The following ROBO2 variants were observed in gnomAD, a reference collection of about 807,000 sequenced individuals.
ROBO2 encodes the protein roundabout guidance receptor 2.
A neutral mutation model predicts 160.8 loss-of-function variants in ROBO2; 53 were observed. The ratio of observed to expected loss-of-function variants is 0.33; its 90% CI spans 0.26 to 0.41. The LOEUF is 0.41. Ranked by LOEUF, ROBO2 falls within the 10% of genes least tolerant of loss-of-function variation. The pLI, the probability that ROBO2 is intolerant of heterozygous loss-of-function variation, is 1.00. For synonymous variants in ROBO2, 664 were observed against 611.7 expected, an observed-to-expected ratio of 1.09 and a Z score of -1.26; for missense variants, 1,577 against 1,722.4, an observed-to-expected ratio of 0.92 and a Z score of 1.49.
chr3:77,162,396 C>T (rs1340956019), intron 2 of ROBO2, among the ~76,000 whole-genome samples: 1 of 152,130 alleles, frequency 6.6e-6, no homozygotes, highest in Non-Finnish European at 1.5e-5. Context: ...TAGATGTCCT[C>T]CAGACAAAGA....
intron 2 of ROBO2, among the ~76,000 whole-genome samples, chr3:76,538,050 G>C (rs988273625): frequency 6.6e-6 from 1 of 151,934 alleles, no homozygotes; most frequent in Admixed American, 6.6e-5. Flanking sequence ...GTGGTTTTTC[G>C]GCTGCTCCAG....
chr3:76,346,247 G>T (rs1470814776), intron 2 of ROBO2, among the ~76,000 whole-genome samples: 1 of 151,370 alleles, frequency 6.6e-6, no homozygotes, highest in East Asian at 1.9e-4. Flanking sequence ...TCCATTAAGA[G>T]AATTTTTTTT....
intron 2 of ROBO2, among the ~76,000 whole-genome samples, chr3:76,176,939 A>G (rs2073253400): frequency 6.6e-6 from 1 of 152,260 alleles, no homozygotes; most frequent in East Asian, 1.9e-4. Flanking sequence ...TAGAATTTGA[A>G]CCGAGCTCCC....
intron 2 of ROBO2, among the ~76,000 whole-genome samples, chr3:75,980,888 A>T (rs2065256122): frequency 7.4e-6 from 1 of 135,546 alleles, no homozygotes; most frequent in Non-Finnish European, 1.6e-5. Flanking sequence ...AACATGCATT[A>T]TGAGATACAC....
intron 2 of ROBO2, among the ~76,000 whole-genome samples, chr3:77,459,189 A>C (rs957181026): frequency 8.5e-5 from 13 of 152,158 alleles, no homozygotes; most frequent in African/African-American, 2.9e-4. Flanking sequence ...GTTAGTTTTT[A>C]CCTTTGAAAA....
intron 2 of ROBO2, among the ~76,000 whole-genome samples, chr3:77,211,351 AT>A (rs1004701527): frequency 7.2e-5 from 11 of 152,176 alleles, no homozygotes; most frequent in African/African-American, 2.2e-4. Flanking sequence ...GATGATGAGC[AT>A]TTTTTCATGT....
At chr3:77,091,258 A>G (rs1182125253) in intron 1 of ROBO2, among the ~76,000 whole-genome samples, 1 of 152,218 alleles carries the variant, frequency 6.6e-6, no homozygotes, top group African/African-American at 2.4e-5. Flanking sequence ...CTCCTTTATT[A>G]TACTACGTGA....
intron 2 of ROBO2, among the ~76,000 whole-genome samples, chr3:76,263,626 CTT>C (rs1277264810): frequency 6.6e-6 from 1 of 152,092 alleles, no homozygotes; most frequent in East Asian, 1.9e-4. Flanking sequence ...GTAATGAAAA[CTT>C]TAATGAAATA....
intron 2 of ROBO2, among the ~76,000 whole-genome samples, chr3:77,431,000 TA>T (rs1322465511): frequency 1.3e-5 from 2 of 152,194 alleles, no homozygotes; most frequent in African/African-American, 4.8e-5. Flanking sequence ...TTATTGTCAT[TA>T]AATTTTATAT....
At chr3:76,662,155 C>T (rs973458947) in intron 2 of ROBO2, among the ~76,000 whole-genome samples, 2 of 152,014 alleles carry the variant, frequency 1.3e-5, no homozygotes, top group Non-Finnish European at 2.9e-5. Flanking sequence ...ACTTTGGAGG[C>T]TCTTGGCCAA....
intron 24 of ROBO2, among the ~76,000 whole-genome samples, chr3:77,644,107 G>A (rs960852334): frequency 8.5e-6 from 1 of 117,308 alleles, no homozygotes; most frequent in African/African-American, 3.4e-5. Flanking sequence ...GTTATTTGTA[G>A]AGAGACAATC....
intron 2 of ROBO2, among the ~76,000 whole-genome samples, chr3:76,797,305 A>C (rs567111099): frequency 1.3e-5 from 2 of 152,284 alleles, no homozygotes; most frequent in South Asian, 4.1e-4. Context: ...AACTACAAAT[A>C]TGTGGAAATT....
At chr3:76,452,027 C>T (rs540384993) in intron 2 of ROBO2, among the ~76,000 whole-genome samples, 9 of 152,042 alleles carry the variant, frequency 5.9e-5, no homozygotes, top group Admixed American at 3.3e-4. Context: ...TGAATTTTAA[C>T]GTATCTGAGA....
At chr3:77,104,419 C>T (rs2072500101) in intron 2 of ROBO2, among the ~76,000 whole-genome samples, 1 of 152,026 alleles carries the variant, frequency 6.6e-6, no homozygotes, top group Non-Finnish European at 1.5e-5. Context: ...CATTATTGCT[C>T]AATAATATTT....
chr3:77,490,861 A>T (rs1290300357), intron 4 of ROBO2, among the ~76,000 whole-genome samples: 1 of 152,210 alleles, frequency 6.6e-6, no homozygotes, highest in Non-Finnish European at 1.5e-5. Context: ...CATCCTATGA[A>T]CCATTGTGTC....
chr3:76,150,470 CAT>C (rs1241783719), intron 2 of ROBO2, among the ~76,000 whole-genome samples: 3 of 152,040 alleles, frequency 2.0e-5, no homozygotes, highest in Non-Finnish European at 4.4e-5. Flanking sequence ...CTAAAACACA[CAT>C]ATGTCTAAAG....
chr3:76,132,400 G>GGC (rs1274286072), intron 2 of ROBO2, among the ~76,000 whole-genome samples: 1 of 132,736 alleles, frequency 7.5e-6, no homozygotes, highest in East Asian at 2.3e-4. Flanking sequence ...CTGTTGGGGG[G>GGC]GGGGGGGGAC....
At chr3:77,529,206 A>T (rs1288520333) in intron 6 of ROBO2, among the ~76,000 whole-genome samples, 3 of 151,134 alleles carry the variant, frequency 2.0e-5, no homozygotes, top group Non-Finnish European at 4.4e-5. Flanking sequence ...ATAAAATAAA[A>T]TATATGAAGT....
intron 2 of ROBO2, among the ~76,000 whole-genome samples, chr3:76,140,165 T>C (rs1268443035): frequency 6.6e-6 from 1 of 152,092 alleles, no homozygotes; most frequent in African/African-American, 2.4e-5. Context: ...AGAATGTCGC[T>C]CAATTTGAAG....
Sources: gnomAD v4.1 joint callset for allele counts (sites outside exome capture counted in the v4.1 genomes callset) on GRCh38, gnomAD v4.1.1 for gene constraint, MANE v1.5 for transcripts, NCBI Gene and HGNC (gene_info 2026-07-23, HGNC 2026-07-21) for gene names.